Variants in TRPM7 observed in about 807,000 individuals in gnomAD.
TRPM7 encodes the protein transient receptor potential cation channel subfamily M member 7.
In TRPM7, 134 loss-of-function variants were observed where a neutral mutation model predicts 229.7. The observed-to-expected ratio is 0.58, with a 90% CI of 0.51 to 0.67. The LOEUF is 0.67. TRPM7 is among the 30% of genes least tolerant of loss of function. The pLI is 0.00. For missense variants in TRPM7, 1,901 were observed against 2,210.0 expected, an observed-to-expected ratio of 0.86 and a Z score of 2.80; for synonymous variants, 699 against 715.2, an observed-to-expected ratio of 0.98 and a Z score of 0.36.
intron 2 of TRPM7, among the ~76,000 whole-genome samples, chr15:50,659,693 AG>A (rs1016439042): frequency 1.2e-4 from 18 of 150,976 alleles, no homozygotes; most frequent in Admixed American, 5.3e-4. Flanking sequence ...TTTGAGATGG[AG>A]TCTCACTCTG....
chr15:50,634,514 C>A lies in TRPM7; in HGVS notation c.875G>T (p.Gly292Val). 6.5e-7 allele frequency: 1 copy of A among 1,550,198 alleles called. No homozygotes were observed. Among genetic ancestry groups the A allele is most frequent in the Non-Finnish European group, 8.7e-7 (1 of 1,153,294 alleles). The change falls in exon 8 of 39, where the codon GGT (glycine) becomes GTT (valine). Residue 292 changes from glycine (G) to valine (V), a missense_variant. Physicochemically the swap from Gly to Val is moderately radical, Grantham distance 109 (BLOSUM62 -3). This residue lies in a region of TRPM7 where 794 missense variants were observed against 881.9 expected (regional missense o/e 0.90). Transcript: ENST00000646667. ...AACTGTGAGGATAACATTTGGCCCA[C>A]CCTCAAATATAAGTGCCACCACAGG... The part of the protein sequence containing the change: ...GVPVVALIFE[G>V]GPNVILTVLE...
At chr15:50,588,114 T>C (rs1217661602) in intron 27 of TRPM7, 2 of 511,590 alleles carry the variant, frequency 3.9e-6, no homozygotes, top group African/African-American at 2.1e-5. Flanking sequence ...AACCTACACC[T>C]ATTTCCTCCA....
At chr15:50,567,042 A>T (rs892180660) in intron 38 of TRPM7, among the ~76,000 whole-genome samples, 1 of 127,706 alleles carries the variant, frequency 7.8e-6, no homozygotes, top group Admixed American at 7.7e-5. Flanking sequence ...TTTGACAATT[A>T]AAAAAAAAAA....
At chr15:50,655,975 C>G (rs1276692611) in intron 3 of TRPM7, among the ~76,000 whole-genome samples, 1 of 147,822 alleles carries the variant, frequency 6.8e-6, no homozygotes, top group Non-Finnish European at 1.5e-5. Flanking sequence ...GCCTGGGCAA[C>G]AGGGCAAGAC....
Position 50,575,864 on chromosome 15 carries a change from C to T in TRPM7, c.4669+5G>A. 6.2e-7 allele frequency: 1 copy of T among 1,612,900 alleles called. No homozygotes were observed. The highest frequency in any genetic ancestry group is 8.5e-7 in the Non-Finnish European group (1 of 1,179,448). The stretch of plus-strand genomic sequence containing the variant: ...CTATTAAATTTTGTTTTTAATATTA[C>T]TGACCTGAATAATAGTAATTTGTAT... On this transcript the variant is annotated splice_donor_5th_base_variant and intron_variant, in intron 32 of 38. Coordinates refer to ENST00000646667, the MANE Select transcript of TRPM7 (RefSeq NM_017672.6).
At chr15:50,576,630 G>A (rs2141519228) in intron 31 of TRPM7, among the ~76,000 whole-genome samples, 1 of 152,288 alleles carries the variant, frequency 6.6e-6, no homozygotes, top group South Asian at 2.1e-4. Context: ...TTGACCTATA[G>A]TGCTTTTTGG....
intron 26 of TRPM7, 108 bp from the exon 27 acceptor site, chr15:50,589,764 G>C: frequency 3.0e-6 from 2 of 677,928 alleles, no homozygotes; most frequent in East Asian, 5.6e-5. Flanking sequence ...TGTTTTTCAA[G>C]TACACTTGAT....
chr15:50,610,962 T>A, intron 17 of TRPM7, 131 bp downstream of exon 17: 3 of 682,080 alleles, frequency 4.4e-6, no homozygotes, highest in Non-Finnish European at 7.3e-6. Flanking sequence ...ATGCCAATCA[T>A]CCATCTTGCT....
chr15:50,671,511 T>C (rs1031719376), intron 1 of TRPM7, among the ~76,000 whole-genome samples: 4 of 152,112 alleles, frequency 2.6e-5, no homozygotes, highest in South Asian at 2.1e-4. Context: ...ACCTGAAAAA[T>C]TCCTATTGCA....
intron 14 of TRPM7, 42 bp downstream of exon 14, chr15:50,614,081 T>C: frequency 6.6e-7 from 1 of 1,524,562 alleles, no homozygotes. Context: ...CATGTGTTAA[T>C]ATTAAAGCAT....
intron 1 of TRPM7, among the ~76,000 whole-genome samples, chr15:50,672,898 CAAAA>C (rs35153596): frequency 0.11 from 2,801 of 24,810 alleles, 9 homozygotes; most frequent in African/African-American, 0.17. Flanking sequence ...GACTCTGTCT[CAAAA>C]AAAAAAAAAA....
chr15:50,634,468 G>A lies in TRPM7; in HGVS notation c.921C>T (p.Ser307=), dbSNP rs1223855102. The change falls in exon 8 of 39, where the codon AGC becomes AGT. Residue 307 remains serine, a synonymous_variant. Coordinates refer to ENST00000646667, the MANE Select transcript of TRPM7 (RefSeq NM_017672.6). ...ILTVLEYLQE[S]PPVPVVVCEG... ...CACACACAACTACTGGAACAGGGGG[G>A]CTTTCCTGAAGGTATTCAAGAACTG... The A allele has an allele frequency of 1.3e-6, 2 of 1,584,560 alleles. No individual in the cohort carries two copies. The highest frequency in any genetic ancestry group is 1.2e-5 in the South Asian group (1 of 86,634).
intron 1 of TRPM7, among the ~76,000 whole-genome samples, chr15:50,676,180 C>T (rs1426794725): frequency 1.3e-5 from 2 of 152,124 alleles, no homozygotes; most frequent in African/African-American, 2.4e-5. Context: ...CTAAGCACAC[C>T]TTACTCTCTA....
chr15:50,671,700 C>A (rs1452964324), intron 1 of TRPM7, among the ~76,000 whole-genome samples: 1 of 151,950 alleles, frequency 6.6e-6, no homozygotes, highest in Non-Finnish European at 1.5e-5. Flanking sequence ...GTCCCAGCTA[C>A]CTGGGAAGCT....
chr15:50,564,356 C>T (rs2141434887), intron 38 of TRPM7, among the ~76,000 whole-genome samples: 1 of 150,516 alleles, frequency 6.6e-6, no homozygotes, highest in South Asian at 2.1e-4. Flanking sequence ...GAAACAGGAG[C>T]TTGGGAAATA....
Position 50,622,660 on chromosome 15 carries a change from C to T in TRPM7, c.1440+1506G>A, listed in dbSNP as rs1031325178. ...CAGAACTTTGGGAGGCTGAGGCAGG[C>T]GGATCATCTGAAGTCGGGAGTTCAA... On this transcript the variant is annotated intron_variant, in intron 12 of 38. Transcript: ENST00000646667. 4.6e-5 allele frequency among the ~76,000 whole-genome samples: 7 copies of T among 151,942 alleles called. No homozygotes were observed. The South Asian group carries it at 8.3e-4, about 18-fold the overall frequency.
chr15:50,686,656 C>G lies in TRPM7; in HGVS notation c.-123G>C. ...CAGAGGCCGCCGGACAAGGAACGCC[C>G]AGGGAAACCTTCTCAGAACTAACTC... On this transcript the variant is annotated 5_prime_UTR_variant, in exon 1 of 39. Coordinates refer to ENST00000646667, the MANE Select transcript of TRPM7 (RefSeq NM_017672.6). 7.3e-7 allele frequency: 1 copy of G among 1,379,028 alleles called. No individual in the cohort carries two copies. Among genetic ancestry groups the G allele is most frequent in the South Asian group, 1.4e-5 (1 of 72,916 alleles). 85.4% of individuals were successfully genotyped at this position (1,379,028 alleles called of 1,614,324 possible). A position where few individuals can be genotyped will look rare whatever the true frequency, so the allele number is the denominator to read the frequency against.
intron 22 of TRPM7, 149 bp downstream of exon 22, chr15:50,598,973 T>C: frequency 1.7e-6 from 1 of 601,288 alleles, no homozygotes; most frequent in Non-Finnish European, 2.8e-6. Flanking sequence ...TTAATTTGTA[T>C]GTTTCTTCTG....
intron 38 of TRPM7, among the ~76,000 whole-genome samples, chr15:50,563,863 A>ATTCTTCTTTTT (rs2053441630): frequency 6.6e-6 from 1 of 151,790 alleles, no homozygotes; most frequent in East Asian, 1.9e-4. Context: ...GCCCAAGACA[A>ATTCTTCTTTTT]TTCTTCTTTT....
Sources: gnomAD v4.1 joint callset for allele counts (sites outside exome capture counted in the v4.1 genomes callset) on GRCh38, gnomAD v4.1.1 for gene constraint, gnomAD v4.1.1 regional missense constraint, MANE v1.5 for transcripts, NCBI Gene and HGNC (gene_info 2026-07-23, HGNC 2026-07-21) for gene names.